MEF2D: variants seen among roughly 807,000 people sequenced by gnomAD.
The protein encoded by MEF2D is myocyte-specific enhancer factor 2D.
A neutral mutation model predicts 59.3 loss-of-function variants in MEF2D; 10 were observed. That is an observed-to-expected ratio of 0.17 (90% CI 0.10 to 0.29). The LOEUF (loss-of-function observed/expected upper bound fraction) is 0.29. Among genes scored for constraint, MEF2D ranks in the 10% least tolerant of loss-of-function variants. The pLI is 1.00. For synonymous variants in MEF2D, 305 were observed against 295.0 expected (o/e 1.03, Z -0.35); for missense variants, 508 against 699.4 (o/e 0.73, Z 3.09).
intron 1 of MEF2D, among the ~76,000 whole-genome samples, chr1:156,494,212 T>C (rs1448545651): frequency 1.3e-5 from 2 of 152,012 alleles, no homozygotes; most frequent in Non-Finnish European, 2.9e-5. Flanking sequence ...CCTTGTTACT[T>C]GATCCAACTG....
chr1:156,491,439 G>A (rs1041419482), intron 1 of MEF2D, among the ~76,000 whole-genome samples: 2 of 152,224 alleles, frequency 1.3e-5, no homozygotes, highest in South Asian at 2.1e-4. Flanking sequence ...TGCTGGGGAG[G>A]AAAGGCAATG....
At chr1:156,477,858 CCAT>C (rs561699880) in intron 6 of MEF2D, among the ~76,000 whole-genome samples, 3 of 152,232 alleles carry the variant, frequency 2.0e-5, no homozygotes, top group Admixed American at 1.3e-4. Context: ...ACAGCCACCA[CCAT>C]AATTAGCCTG....
chr1:156,496,789 T>C (rs566286103), intron 1 of MEF2D, among the ~76,000 whole-genome samples: 5 of 152,320 alleles, frequency 3.3e-5, no homozygotes, highest in South Asian at 2.1e-4. Context: ...GTGGACTGCA[T>C]TGGGCATGCC....
At chr1:156,480,807 AACAGAG>A in intron 4 of MEF2D, 21 bp downstream of exon 4, 1 of 1,594,274 alleles carries the variant, frequency 6.3e-7, no homozygotes, top group Non-Finnish European at 8.5e-7. Context: ...AGGGGGGGCC[AACAGAG>A]ACAGAGTGAG....
At chr1:156,477,844 T>C (rs183248307) in intron 6 of MEF2D, among the ~76,000 whole-genome samples, 114 of 152,348 alleles carry the variant, frequency 7.5e-4, no homozygotes, top group African/African-American at 2.6e-3. Context: ...GGGAGACACA[T>C]AACACAGCCA....
At chr1:156,479,139 G>A in intron 6 of MEF2D, 151 bp downstream of exon 6, 1 of 578,786 alleles carries the variant, frequency 1.7e-6, no homozygotes. Context: ...CAAAATCCAG[G>A]GGCTTAAAAA....
chr1:156,497,037 T>C (rs1292518734), intron 1 of MEF2D, among the ~76,000 whole-genome samples: 3 of 152,194 alleles, frequency 2.0e-5, no homozygotes, highest in Non-Finnish European at 4.4e-5. Flanking sequence ...CCTCCTTTCC[T>C]ATGCAAAATT....
chr1:156,481,431 G>A (rs1408920934), intron 3 of MEF2D, among the ~76,000 whole-genome samples: 1 of 152,080 alleles, frequency 6.6e-6, no homozygotes, highest in Non-Finnish European at 1.5e-5. Flanking sequence ...CTGCTTAGGA[G>A]AATAGGAGGA....
chr1:156,479,440 A>G, intron 5 of MEF2D, 94 bp from the exon 6 acceptor site: 7 of 1,493,730 alleles, frequency 4.7e-6, no homozygotes, highest in Non-Finnish European at 6.4e-6. Context: ...CCCAGGAGGA[A>G]GAGTCATACT....
At chr1:156,488,951 C>T (rs1029618556) in intron 1 of MEF2D, among the ~76,000 whole-genome samples, 2 of 152,182 alleles carry the variant, frequency 1.3e-5, no homozygotes, top group Non-Finnish European at 2.9e-5. Flanking sequence ...TACACCCTTC[C>T]ACCCATATCT....
intron 9 of MEF2D, among the ~76,000 whole-genome samples, chr1:156,470,105 G>A (rs1290859673): frequency 6.6e-6 from 1 of 152,162 alleles, no homozygotes; most frequent in African/African-American, 2.4e-5. Context: ...AGAAACTGAT[G>A]GTTGCACTGT....
At position 156,464,090 on chromosome 1, in the gene MEF2D, T is replaced by A. The variant is rs1228307260; in HGVS notation, c.*3555A>T. ...TCCAGATTCTCCATTCCAGCCTCCC[T>A]CCCCCCATACAAATACCATTCCTTC... On this transcript the variant is annotated 3_prime_UTR_variant, in exon 12 of 12. Coordinates refer to ENST00000348159, the MANE Select transcript of MEF2D (RefSeq NM_005920.4). The A allele has an allele frequency of 6.6e-6, 1 of 151,650 alleles. No individual in the cohort carries two copies. The highest frequency in any genetic ancestry group is 1.5e-5 in the Non-Finnish European group (1 of 67,836). The allele number at this position is 151,650 out of a possible 1,614,324, so 9.4% of individuals were successfully genotyped here.
chr1:156,483,126 T>C, intron 2 of MEF2D, 113 bp downstream of exon 2: 2 of 1,106,870 alleles, frequency 1.8e-6, no homozygotes, highest in Non-Finnish European at 2.7e-6. Context: ...CCTTCTGTAA[T>C]AGCTTATAGT....
chr1:156,497,441 C>G (rs1673194814), intron 1 of MEF2D, among the ~76,000 whole-genome samples: 1 of 152,224 alleles, frequency 6.6e-6, no homozygotes, highest in Admixed American at 6.5e-5. Flanking sequence ...AATCCCAGCA[C>G]CACAGTGCCA....
rs1671946927 is a variant in MEF2D at position 156,480,745 on chromosome 1, G to A, written c.396+89C>T. 5.0e-6 allele frequency: 8 copies of A among 1,611,026 alleles called. No homozygotes were observed. In the South Asian group the frequency reaches 7.7e-5, roughly 16 times the overall value. On this transcript the variant is annotated intron_variant, in intron 4 of 11. Transcript: ENST00000348159. ...GGGCAAACACCTCGTCCACCTCAGG[G>A]CTCTCACATTCCCTGTGCTTCTTGT...
chr1:156,498,101 TA>T (rs5777987), intron 1 of MEF2D, among the ~76,000 whole-genome samples: 28,576 of 55,906 alleles, frequency 0.51, 6,497 homozygotes, highest in East Asian at 0.64. Context: ...CAGGAAAGAT[TA>T]AAAAAAAAAA....
rs1041462113 is a variant in MEF2D, at chr1:156,467,787, C to T, written c.1555-131G>A. 8 of 1,095,038 alleles carry T rather than the reference C, an allele frequency of 7.3e-6. No homozygotes were observed. The Admixed American group carries it at 1.2e-4, about 17-fold the overall frequency. The allele number at this position is 1,095,038 out of a possible 1,614,324, so 67.8% of individuals were successfully genotyped here. On this transcript the variant is annotated intron_variant, in intron 11 of 11. Transcript: ENST00000348159. ...GCCAGCTGTGAGGGGAAGAAGTCAT[C>T]GAGCAGAAGGACTGATGCTGGAGGG...
At chr1:156,479,174 C>T (rs1557884188) in intron 6 of MEF2D, 116 bp downstream of exon 6, 4 of 821,558 alleles carry the variant, frequency 4.9e-6, no homozygotes, top group Non-Finnish European at 5.5e-6. Context: ...TTCATCCAGT[C>T]CTGGCCCTGG....
At chr1:156,500,126 AC>A (rs1456883475) in intron 1 of MEF2D, among the ~76,000 whole-genome samples, 1 of 151,560 alleles carries the variant, frequency 6.6e-6, no homozygotes, top group Non-Finnish European at 1.5e-5. Flanking sequence ...GTCACCGGAG[AC>A]CCCCTCGGAG....
Sources: gnomAD v4.1 joint callset for allele counts (sites outside exome capture counted in the v4.1 genomes callset) on GRCh38, gnomAD v4.1.1 for gene constraint, MANE v1.5 for transcripts, NCBI Gene and HGNC (gene_info 2026-07-23, HGNC 2026-07-21) for gene names.